The following KIAA1217 variants were observed in gnomAD, a reference collection of about 807,000 sequenced individuals.
The protein encoded by KIAA1217 is KIAA1217, also known as sickle tail protein homolog.
A neutral mutation model predicts 163.9 loss-of-function variants in KIAA1217; 88 were observed. That is an observed-to-expected ratio of 0.54 (90% CI 0.45 to 0.64). The LOEUF (loss-of-function observed/expected upper bound fraction) is 0.64. Ranked by LOEUF, KIAA1217 falls within the 30% of genes least tolerant of loss-of-function variation. The pLI is 0.00. For missense variants in KIAA1217, 2,372 were observed against 2,475.0 expected (o/e 0.96, Z 0.88); for synonymous variants, 903 against 923.1 (o/e 0.98, Z 0.39).
At chr10:24,072,445 TAA>T (rs1397082306) in intron 2 of KIAA1217, among the ~76,000 whole-genome samples, 19 of 152,274 alleles carry the variant, frequency 1.2e-4, no homozygotes, top group African/African-American at 4.3e-4. Flanking sequence ...AAGAAATAAA[TAA>T]GTTTGTCCTG....
At chr10:24,142,821 T>A (rs1291411270) in intron 2 of KIAA1217, among the ~76,000 whole-genome samples, 2 of 152,010 alleles carry the variant, frequency 1.3e-5, no homozygotes, top group African/African-American at 4.8e-5. Context: ...ATACAAAAAG[T>A]GACTGAAAGA....
At chr10:24,189,118 A>AG (rs1421085676) in intron 2 of KIAA1217, among the ~76,000 whole-genome samples, 1 of 148,200 alleles carries the variant, frequency 6.7e-6, no homozygotes, top group South Asian at 2.1e-4. Context: ...AAAAAAAAAA[A>AG]AGAAAAGAAA....
intron 1 of KIAA1217, among the ~76,000 whole-genome samples, chr10:23,994,000 C>T (rs879013562): frequency 1.3e-5 from 2 of 152,140 alleles, no homozygotes; most frequent in Admixed American, 6.5e-5. Context: ...TACAGGCCTT[C>T]GCATTTCTCC....
At chr10:24,006,036 C>T (rs1319296487) in intron 1 of KIAA1217, among the ~76,000 whole-genome samples, 1 of 152,128 alleles carries the variant, frequency 6.6e-6, no homozygotes, top group Non-Finnish European at 1.5e-5. Flanking sequence ...ACTCATCTCT[C>T]CTGTGTTATA....
chr10:24,178,498 G>A (rs937427652), intron 2 of KIAA1217, among the ~76,000 whole-genome samples: 4 of 152,286 alleles, frequency 2.6e-5, no homozygotes, highest in Admixed American at 6.5e-5. Flanking sequence ...CTTTTCCTTT[G>A]TAACTTCCTG....
At chr10:24,023,715 A>G (rs967768257) in intron 2 of KIAA1217, among the ~76,000 whole-genome samples, 9 of 151,744 alleles carry the variant, frequency 5.9e-5, no homozygotes, top group Non-Finnish European at 1.2e-4. Flanking sequence ...AACTTTAGTC[A>G]TAATACAAAA....
intron 2 of KIAA1217, among the ~76,000 whole-genome samples, chr10:24,108,561 A>T (rs2131736566): frequency 6.6e-6 from 1 of 152,356 alleles, no homozygotes; most frequent in South Asian, 2.1e-4. Flanking sequence ...TAGAAAAATG[A>T]GGATCAGGAG....
chr10:23,797,926 G>A (rs562565882), intron 1 of KIAA1217, among the ~76,000 whole-genome samples: 1 of 152,286 alleles, frequency 6.6e-6, no homozygotes, highest in South Asian at 2.1e-4. Flanking sequence ...AATCCTAGAA[G>A]GAGATTTAAA....
chr10:23,845,972 C>T (rs1329019767), intron 1 of KIAA1217, among the ~76,000 whole-genome samples: 1 of 152,124 alleles, frequency 6.6e-6, no homozygotes, highest in Non-Finnish European at 1.5e-5. Flanking sequence ...TTTCCAATAG[C>T]ATTTATTGAA....
At chr10:24,157,568 G>A (rs1175003495) in intron 2 of KIAA1217, among the ~76,000 whole-genome samples, 1 of 152,060 alleles carries the variant, frequency 6.6e-6, no homozygotes, top group East Asian at 1.9e-4. Context: ...TTGACCCAAG[G>A]TCACAAAGAT....
chr10:23,837,506 A>G (rs540347232), intron 1 of KIAA1217, among the ~76,000 whole-genome samples: 10 of 152,242 alleles, frequency 6.6e-5, no homozygotes, highest in African/African-American at 2.2e-4. Flanking sequence ...CACTATTGAA[A>G]TGACACATTC....
chr10:24,367,159 A>G (rs908016224), intron 2 of KIAA1217: 1 of 985,650 alleles, frequency 1.0e-6, no homozygotes, highest in Non-Finnish European at 1.2e-6. Context: ...GCAGAACTTG[A>G]CATTCAAAGG....
At chr10:24,175,357 A>G (rs575990249) in intron 2 of KIAA1217, among the ~76,000 whole-genome samples, 98 of 152,300 alleles carry the variant, frequency 6.4e-4, no homozygotes, top group African/African-American at 1.9e-3. Context: ...CACTTAGAAT[A>G]ATGATCTCCA....
chr10:23,881,096 A>AT (rs1406591118), intron 1 of KIAA1217, among the ~76,000 whole-genome samples: 2 of 151,614 alleles, frequency 1.3e-5, no homozygotes, highest in Admixed American at 1.3e-4. Flanking sequence ...TCTGGAGTAG[A>AT]TAAAAAAAAA....
At chr10:23,816,144 G>A (rs1837303670) in intron 1 of KIAA1217, among the ~76,000 whole-genome samples, 1 of 152,200 alleles carries the variant, frequency 6.6e-6, no homozygotes, top group African/African-American at 2.4e-5. Context: ...ACCTTGAGCT[G>A]TAAAGGTCCC....
At chr10:23,830,743 T>G (rs141958141) in intron 1 of KIAA1217, among the ~76,000 whole-genome samples, 65 of 151,412 alleles carry the variant, frequency 4.3e-4, no homozygotes, top group African/African-American at 1.6e-3. Flanking sequence ...GATAGACAGA[T>G]AGATGATTGC....
At chr10:24,190,742 C>T (rs1795222439) in intron 2 of KIAA1217, among the ~76,000 whole-genome samples, 1 of 152,142 alleles carries the variant, frequency 6.6e-6, no homozygotes, top group Non-Finnish European at 1.5e-5. Context: ...TTGGCACCTA[C>T]TCCAGGAAAT....
intron 9 of KIAA1217, among the ~76,000 whole-genome samples, chr10:24,506,631 T>C (rs1048785731): frequency 6.6e-6 from 1 of 152,142 alleles, no homozygotes; most frequent in African/African-American, 2.4e-5. Flanking sequence ...AATAAGCAAA[T>C]GTATGAAACA....
At chr10:24,212,543 G>C (rs2068272987) in intron 1 of KIAA1217, among the ~76,000 whole-genome samples, 1 of 152,084 alleles carries the variant, frequency 6.6e-6, no homozygotes, top group African/African-American at 2.4e-5. Context: ...GGAAGGGCTG[G>C]AAAAAATAGC....
Sources: gnomAD v4.1 joint callset for allele counts (sites outside exome capture counted in the v4.1 genomes callset) on GRCh38, gnomAD v4.1.1 for gene constraint, MANE v1.5 for transcripts, NCBI Gene and HGNC (gene_info 2026-07-23, HGNC 2026-07-21) for gene names.